SIPA1L1: variants seen among roughly 807,000 people sequenced by gnomAD.
The protein encoded by SIPA1L1 is signal induced proliferation associated 1 like 1.
SIPA1L1 carries 26 observed loss-of-function variants against 162.7 expected under a neutral mutation model. That is an observed-to-expected ratio of 0.16 (90% CI 0.12 to 0.22). The LOEUF (loss-of-function observed/expected upper bound fraction) is 0.22, where lower values mean the gene tolerates loss of function less well. Ranked by LOEUF, SIPA1L1 falls within the 10% of genes least tolerant of loss-of-function variation. The probability of loss-of-function intolerance (pLI) is 1.00; values close to 1 mark genes in which losing one functional copy is unlikely to be tolerated. For missense variants in SIPA1L1, 1,874 were observed against 2,241.0 expected (o/e 0.84, Z 3.31); for synonymous variants, 829 against 837.4 (o/e 0.99, Z 0.17).
chr14:71,705,439 G>C (rs2082368951), intron 16 of SIPA1L1, 99 bp downstream of exon 16: 6 of 903,594 alleles, frequency 6.6e-6, no homozygotes, highest in Non-Finnish European at 1.1e-5. Context: ...TGGCCAAAGA[G>C]GAAATCATTC....
At chr14:71,348,424 T>A (rs1238519629) in intron 2 of SIPA1L1, among the ~76,000 whole-genome samples, 3 of 152,240 alleles carry the variant, frequency 2.0e-5, no homozygotes, top group Non-Finnish European at 4.4e-5. Flanking sequence ...TCCATGTATT[T>A]CCTGTAGTTC....
At chr14:71,438,416 G>A (rs918704762) in intron 2 of SIPA1L1, among the ~76,000 whole-genome samples, 20 of 152,132 alleles carry the variant, frequency 1.3e-4, no homozygotes, top group African/African-American at 4.6e-4. Flanking sequence ...CCCACATAAT[G>A]AATCCTGTTC....
chr14:71,672,601 A>C lies in SIPA1L1; in HGVS notation c.3083A>C (p.His1028Pro). Residue 1028 changes from histidine to proline, a missense_variant, in exon 12 of 24, where the codon CAT (histidine) becomes CCT (proline). This residue lies in a region of SIPA1L1 where 936 missense variants were observed against 1,051.9 expected (regional missense o/e 0.89). Coordinates refer to ENST00000381232, the MANE Select transcript of SIPA1L1 (RefSeq NM_001386936.1). ...VTVKVVIIPP[H>P]DDCTPRRSCS... The stretch of plus-strand genomic sequence containing the variant: ...GTGAAGGTTGTCATCATTCCCCCGC[A>C]TGATGACTGCACCCCGCGGAGGTAG... 1 of 1,614,030 alleles carries C rather than the reference A, an allele frequency of 6.2e-7. No homozygotes were observed. The highest frequency in any genetic ancestry group is 8.5e-7 in the Non-Finnish European group (1 of 1,179,886).
chr14:71,379,446 G>A (rs1407189674), intron 2 of SIPA1L1: 1 of 151,972 alleles, frequency 6.6e-6, no homozygotes, highest in Non-Finnish European at 1.5e-5. Flanking sequence ...TATGACTACA[G>A]GTGCAGGCCA....
intron 2 of SIPA1L1, among the ~76,000 whole-genome samples, chr14:71,511,947 G>A (rs944917819): frequency 1.2e-4 from 19 of 152,148 alleles, no homozygotes; most frequent in African/African-American, 4.1e-4. Context: ...CTTACCCCAC[G>A]ATATGCATCT....
intron 4 of SIPA1L1, among the ~76,000 whole-genome samples, chr14:71,572,953 C>T (rs142193016): frequency 1.4e-3 from 209 of 152,254 alleles, no homozygotes; most frequent in Non-Finnish European, 2.5e-3. Flanking sequence ...ATGGGAGAGA[C>T]ACTTAATGGA....
intron 2 of SIPA1L1, among the ~76,000 whole-genome samples, chr14:71,402,574 C>T (rs779324596): frequency 6.6e-6 from 1 of 152,092 alleles, no homozygotes; most frequent in Non-Finnish European, 1.5e-5. Context: ...GTCTTGAATT[C>T]TTGGCCTTAT....
At position 71,709,609 on chromosome 14, in the gene SIPA1L1, C is replaced by A. The variant is rs1321163338; in HGVS notation, c.4153C>A (p.Pro1385Thr). The A allele has an allele frequency of 6.2e-7, 1 of 1,614,202 alleles. No homozygotes were observed. Among genetic ancestry groups the A allele is most frequent in the East Asian group, 2.2e-5 (1 of 44,882 alleles). ...CAGCAAGAGCCAAGCCGGCTCGACCCCTCTGACAAGGGAGAACAGCACCTT... is the reference window on the plus strand; with the variant it reads ...CAGCAAGAGCCAAGCCGGCTCGACCACTCTGACAAGGGAGAACAGCACCTT... The part of the protein sequence containing the change: ...IHSKSQAGST[P>T]LTRENSTFSI... The change falls in exon 17 of 24, where the codon CCT (proline) becomes ACT (threonine). Residue 1385 changes from proline to threonine, a missense_variant. Pro to Thr is a conservative substitution (Grantham distance 38). Around this residue, in one of 5 missense-constraint regions of SIPA1L1, gnomAD observed 936 missense variants for 1,051.9 expected, o/e 0.89. Transcript: ENST00000381232.
chr14:71,634,071 C>T (rs1304704601), intron 7 of SIPA1L1, among the ~76,000 whole-genome samples: 1 of 150,042 alleles, frequency 6.7e-6, no homozygotes, highest in African/African-American at 2.4e-5. Context: ...AAAAAAAAAA[C>T]TTGAAAGAAG....
chr14:71,713,594 A>G (rs1055920029), intron 17 of SIPA1L1, among the ~76,000 whole-genome samples: 7 of 152,182 alleles, frequency 4.6e-5, no homozygotes, highest in Admixed American at 6.5e-5. Context: ...GCTCAATTTC[A>G]TGAATGTGCT....
chr14:71,698,089 C>T (rs2081791054), intron 13 of SIPA1L1, among the ~76,000 whole-genome samples: 1 of 152,160 alleles, frequency 6.6e-6, no homozygotes, highest in South Asian at 2.1e-4. Flanking sequence ...AATGACCTCC[C>T]CTGCTACAAG....
intron 2 of SIPA1L1, among the ~76,000 whole-genome samples, chr14:71,445,456 G>A (rs1249265817): frequency 6.6e-6 from 1 of 150,382 alleles, no homozygotes; most frequent in Admixed American, 6.6e-5. Context: ...TTTAATTCTT[G>A]TATCTAGAAA....
At chr14:71,567,600 A>C (rs1269326910) in intron 4 of SIPA1L1, among the ~76,000 whole-genome samples, 1 of 151,114 alleles carries the variant, frequency 6.6e-6, no homozygotes, top group Non-Finnish European at 1.5e-5. Flanking sequence ...CAAGGGTCAG[A>C]TTATTCATGA....
intron 2 of SIPA1L1, among the ~76,000 whole-genome samples, chr14:71,387,018 G>A (rs543142913): frequency 6.6e-6 from 1 of 152,278 alleles, no homozygotes; most frequent in Admixed American, 6.5e-5. Context: ...GGAGGCCAAG[G>A]CAGGCAGATC....
chr14:71,380,915 T>C (rs2039840370), intron 2 of SIPA1L1, among the ~76,000 whole-genome samples: 1 of 152,146 alleles, frequency 6.6e-6, no homozygotes, highest in South Asian at 2.1e-4. Context: ...TTAAAGCATA[T>C]TTCACAAGTG....
At chr14:71,611,736 C>T (rs1286123030) in intron 5 of SIPA1L1, among the ~76,000 whole-genome samples, 2 of 152,186 alleles carry the variant, frequency 1.3e-5, no homozygotes, top group Admixed American at 6.5e-5. Context: ...ACATGACTCA[C>T]TCTTTTTTAT....
At chr14:71,345,803 C>T (rs1306034164) in intron 2 of SIPA1L1, among the ~76,000 whole-genome samples, 5 of 152,066 alleles carry the variant, frequency 3.3e-5, no homozygotes, top group Non-Finnish European at 5.9e-5. Flanking sequence ...CTCCTGACCT[C>T]GTGATCCGCC....
intron 3 of SIPA1L1, among the ~76,000 whole-genome samples, chr14:71,514,592 T>C (rs1479401802): frequency 1.3e-5 from 2 of 152,186 alleles, no homozygotes; most frequent in African/African-American, 4.8e-5. Context: ...TGTCCACCAC[T>C]TGATGGTTGC....
chr14:71,618,409 C>G (rs1056825944), intron 5 of SIPA1L1, among the ~76,000 whole-genome samples: 7 of 152,196 alleles, frequency 4.6e-5, no homozygotes, highest in Non-Finnish European at 8.8e-5. Flanking sequence ...CTAAAAAGCC[C>G]TGGCACAAGC....
Sources: gnomAD v4.1 joint callset for allele counts (sites outside exome capture counted in the v4.1 genomes callset) on GRCh38, gnomAD v4.1.1 for gene constraint, gnomAD v4.1.1 regional missense constraint, MANE v1.5 for transcripts, NCBI Gene and HGNC (gene_info 2026-07-23, HGNC 2026-07-21) for gene names.